KIF6: variants seen among roughly 807,000 people sequenced by gnomAD.
KIF6 encodes kinesin-like protein KIF6.
KIF6 carries 106 observed loss-of-function variants against 112.7 expected under a neutral mutation model. The ratio of observed to expected loss-of-function variants is 0.94; its 90% CI spans 0.80 to 1.11. The LOEUF (loss-of-function observed/expected upper bound fraction) is 1.11, where lower values mean the gene tolerates loss of function less well. KIF6 is among the 50% of genes least tolerant of loss of function. The pLI, the probability that KIF6 is intolerant of heterozygous loss-of-function variation, is 0.00. For synonymous variants in KIF6, 339 were observed against 339.9 expected (o/e 1.00, Z 0.03); for missense variants, 929 against 964.0 (o/e 0.96, Z 0.48).
At chr6:39,552,623 C>T (rs561197986) in intron 10 of KIF6, among the ~76,000 whole-genome samples, 7 of 152,248 alleles carry the variant, frequency 4.6e-5, no homozygotes, top group Non-Finnish European at 7.4e-5. Flanking sequence ...CTCTGACATA[C>T]TATATTTGTA....
chr6:39,356,203 T>C (rs1443657106), intron 19 of KIF6, among the ~76,000 whole-genome samples: 1 of 152,124 alleles, frequency 6.6e-6, no homozygotes, highest in East Asian at 1.9e-4. Context: ...TATGGGTTTC[T>C]GAGAGAAAGG....
At chr6:39,647,481 A>G (rs138032181) in intron 3 of KIF6, among the ~76,000 whole-genome samples, 7 of 152,258 alleles carry the variant, frequency 4.6e-5, no homozygotes, top group African/African-American at 1.7e-4. Flanking sequence ...AACAGCTATT[A>G]TATCATTACA....
chr6:39,579,407 A>G (rs1305711121), intron 9 of KIF6, among the ~76,000 whole-genome samples: 1 of 152,006 alleles, frequency 6.6e-6, no homozygotes, highest in Non-Finnish European at 1.5e-5. Flanking sequence ...ATTCTTGTCC[A>G]TGTTTCCATT....
At chr6:39,448,333 C>A (rs928769665) in intron 13 of KIF6, among the ~76,000 whole-genome samples, 4 of 152,100 alleles carry the variant, frequency 2.6e-5, no homozygotes, top group African/African-American at 9.7e-5. Context: ...TGCCACCACA[C>A]CCGGCTGATT....
intron 5 of KIF6, among the ~76,000 whole-genome samples, chr6:39,627,599 A>G (rs1159154080): frequency 6.6e-6 from 1 of 152,166 alleles, no homozygotes; most frequent in Non-Finnish European, 1.5e-5. Context: ...TCTATCCAGT[A>G]GGTGTTAGAA....
chr6:39,514,082 CT>C (rs1304678874), intron 13 of KIF6, among the ~76,000 whole-genome samples: 2 of 152,050 alleles, frequency 1.3e-5, no homozygotes, highest in African/African-American at 4.8e-5. Context: ...TGATTGATTT[CT>C]TTTTTCACTA....
chr6:39,376,530 C>T (rs1581710379), intron 16 of KIF6, among the ~76,000 whole-genome samples: 1 of 152,212 alleles, frequency 6.6e-6, no homozygotes. Context: ...CAGCTGCTGG[C>T]ACATCTTTAA....
chr6:39,362,580 T>C (rs1765247342), intron 16 of KIF6, 62 bp from the exon 17 acceptor site: 1 of 1,257,636 alleles, frequency 8.0e-7, no homozygotes, highest in East Asian at 2.3e-5. Context: ...AGTGTGATAT[T>C]TGGGCAGATG....
chr6:39,448,590 C>A (rs57697326), intron 13 of KIF6, among the ~76,000 whole-genome samples: 12,313 of 152,204 alleles, frequency 0.081, 670 homozygotes, highest in Middle Eastern at 0.15. Context: ...TCCCTCCTGC[C>A]TGAAGCACTT....
At position 39,336,031 on chromosome 6, in the gene KIF6, C is replaced by T. The variant is rs10947807; in HGVS notation, c.*501G>A. The T allele has an allele frequency of 0.23, 34,624 of 153,604 alleles. 4,414 individuals carry two copies. The highest frequency in any genetic ancestry group is 0.46 in the East Asian group (2,390 of 5,160). The allele number at this position is 153,604 out of a possible 1,614,324, so 9.5% of individuals were successfully genotyped here. A position where few individuals can be genotyped will look rare whatever the true frequency, so the allele number is the denominator to read the frequency against. The stretch of plus-strand genomic sequence containing the variant: ...GGATGCCCTGCATTCCACTGCCTTG[C>T]CTGTGGCTGGGACATCCTGCCTGGA... On this transcript the variant is annotated 3_prime_UTR_variant, in exon 23 of 23. Transcript: ENST00000287152.
In KIF6 at chr6:39,615,947, C is replaced by G. The variant is rs190998877; in HGVS notation, c.510-2629G>C. Among the ~76,000 whole-genome samples, 84 of 152,222 alleles carry G rather than the reference C, an allele frequency of 5.5e-4. 2 individuals carry two copies. Among genetic ancestry groups the G allele is most frequent in the Admixed American group, 4.7e-3 (71 of 15,268 alleles). On this transcript the variant is annotated intron_variant, in intron 5 of 22. Transcript: ENST00000287152. ...TAACGCTCAACTGGGGATTATGGGT[C>G]TCCCTAAACATCCATAGGGTTTATA...
chr6:39,603,852 T>G (rs1782721686), intron 6 of KIF6, among the ~76,000 whole-genome samples: 1 of 152,310 alleles, frequency 6.6e-6, no homozygotes, highest in Non-Finnish European at 1.5e-5. Context: ...TTGCCATAAC[T>G]TATACCTTTT....
At chr6:39,441,046 C>G (rs556702164) in intron 13 of KIF6, among the ~76,000 whole-genome samples, 11 of 152,276 alleles carry the variant, frequency 7.2e-5, no homozygotes, top group African/African-American at 2.4e-4. Flanking sequence ...GAGATAGTGT[C>G]TTTACCTTCC....
At chr6:39,465,362 G>A (rs62402240) in intron 13 of KIF6, among the ~76,000 whole-genome samples, 3,870 of 152,272 alleles carry the variant, frequency 0.025, 74 homozygotes, top group Middle Eastern at 0.048. Flanking sequence ...GACAATAGCA[G>A]GTAATTGAAA....
chr6:39,628,498 T>A (rs144598796), intron 5 of KIF6, among the ~76,000 whole-genome samples: 1 of 152,238 alleles, frequency 6.6e-6, no homozygotes, highest in East Asian at 1.9e-4. Context: ...ATCCTTTGTG[T>A]TGACCTTGTC....
intron 3 of KIF6, among the ~76,000 whole-genome samples, chr6:39,700,255 A>T (rs796552214): frequency 6.6e-6 from 1 of 152,184 alleles, no homozygotes; most frequent in Non-Finnish European, 1.5e-5. Flanking sequence ...CATTCTTTCT[A>T]TAAGGTTTGC....
intron 9 of KIF6, among the ~76,000 whole-genome samples, chr6:39,578,567 G>A (rs534380753): frequency 3.9e-5 from 6 of 151,996 alleles, no homozygotes; most frequent in South Asian, 2.1e-4. Context: ...TCCTGACCTC[G>A]TGATCCACCC....
intron 13 of KIF6, among the ~76,000 whole-genome samples, chr6:39,524,122 C>CTGTGTG (rs146618011): frequency 6.9e-5 from 10 of 145,442 alleles, no homozygotes; most frequent in African/African-American, 2.6e-4. Flanking sequence ...TTGGGCAAGG[C>CTGTGTG]TGTGTGTGTG....
chr6:39,576,820 C>G (rs149951068), intron 10 of KIF6, among the ~76,000 whole-genome samples: 6 of 152,174 alleles, frequency 3.9e-5, no homozygotes, highest in Non-Finnish European at 7.3e-5. Flanking sequence ...TGTCTCCTGG[C>G]AGTCAATTTC....
Sources: gnomAD v4.1 joint callset for allele counts (sites outside exome capture counted in the v4.1 genomes callset) on GRCh38, gnomAD v4.1.1 for gene constraint, MANE v1.5 for transcripts, NCBI Gene and HGNC (gene_info 2026-07-23, HGNC 2026-07-21) for gene names.